DOCK2: variants seen among roughly 807,000 people sequenced by gnomAD.
DOCK2 encodes the protein dedicator of cytokinesis 2.
DOCK2 carries 87 observed loss-of-function variants against 248.9 expected under a neutral mutation model. The observed-to-expected ratio is 0.35, with a 90% CI of 0.29 to 0.42. The LOEUF is 0.42. DOCK2 is among the 10% of genes least tolerant of loss of function. The pLI is 1.00. For synonymous variants in DOCK2, 805 were observed against 821.6 expected (o/e 0.98, Z 0.35); for missense variants, 1,747 against 2,300.2 (o/e 0.76, Z 4.92).
At chr5:169,651,278 T>G (rs897480327) in intron 1 of DOCK2, among the ~76,000 whole-genome samples, 6 of 152,256 alleles carry the variant, frequency 3.9e-5, no homozygotes, top group Admixed American at 2.6e-4. Flanking sequence ...AATAGATTTA[T>G]AAATTAAGTG....
chr5:170,004,580 T>G (rs1316972968), intron 30 of DOCK2, among the ~76,000 whole-genome samples: 3 of 151,484 alleles, frequency 2.0e-5, no homozygotes, highest in Admixed American at 6.6e-5. Context: ...TATACCCAAA[T>G]GACTATAAAT....
intron 1 of DOCK2, among the ~76,000 whole-genome samples, chr5:169,653,913 G>A (rs1330022030): frequency 6.6e-6 from 1 of 152,160 alleles, no homozygotes; most frequent in Non-Finnish European, 1.5e-5. Context: ...TGCCTGAGCT[G>A]GGACTCAACC....
chr5:170,063,395 C>T (rs1162710160), intron 44 of DOCK2, among the ~76,000 whole-genome samples: 3 of 152,154 alleles, frequency 2.0e-5, no homozygotes, highest in Admixed American at 1.3e-4. Context: ...TAAATGGGTG[C>T]ACAAACACTT....
chr5:169,711,625 C>A (rs1355864717), intron 15 of DOCK2, among the ~76,000 whole-genome samples: 1 of 152,164 alleles, frequency 6.6e-6, no homozygotes, highest in South Asian at 2.1e-4. Context: ...TGCATCAAAT[C>A]CTGTGCTAAA....
At chr5:169,997,874 G>A (rs528191564) in intron 30 of DOCK2, 50 of 454,136 alleles carry the variant, frequency 1.1e-4, no homozygotes, top group Middle Eastern at 3.3e-4. Flanking sequence ...CTGGGCTTTC[G>A]CCTCTCAGAA....
At chr5:169,965,603 G>A (rs1447369369) in intron 27 of DOCK2, among the ~76,000 whole-genome samples, 9 of 152,136 alleles carry the variant, frequency 5.9e-5, no homozygotes, top group Admixed American at 3.3e-4. Context: ...TCCCAATGTC[G>A]GGAGAGCTGG....
At chr5:169,919,346 T>G (rs1209479757) in intron 27 of DOCK2, among the ~76,000 whole-genome samples, 1 of 152,180 alleles carries the variant, frequency 6.6e-6, no homozygotes, top group African/African-American at 2.4e-5. Flanking sequence ...TTATGAAGAT[T>G]TACTGCGTTG....
At chr5:169,688,073 T>C (rs1382709750) in intron 8 of DOCK2, among the ~76,000 whole-genome samples, 1 of 152,144 alleles carries the variant, frequency 6.6e-6, no homozygotes, top group African/African-American at 2.4e-5. Context: ...TACAGGCATG[T>C]GCCACCATGC....
intron 27 of DOCK2, among the ~76,000 whole-genome samples, chr5:169,848,706 C>T (rs1291138885): frequency 6.6e-6 from 1 of 152,136 alleles, no homozygotes. Flanking sequence ...TATTTTGGGC[C>T]TAATTACCCC....
chr5:169,886,063 A>T (rs1772951614), intron 27 of DOCK2, among the ~76,000 whole-genome samples: 2 of 152,176 alleles, frequency 1.3e-5, no homozygotes, highest in Admixed American at 6.5e-5. Flanking sequence ...GTTGCTAAGA[A>T]CAAGGGTAAA....
chr5:169,665,693 G>T (rs1435022773), intron 2 of DOCK2, among the ~76,000 whole-genome samples: 4 of 152,030 alleles, frequency 2.6e-5, no homozygotes, highest in East Asian at 3.9e-4. Flanking sequence ...AATAGTGTTT[G>T]TAGCACTCCT....
At chr5:169,689,631 C>T (rs1288116663) in intron 9 of DOCK2, among the ~76,000 whole-genome samples, 1 of 152,110 alleles carries the variant, frequency 6.6e-6, no homozygotes, top group Non-Finnish European at 1.5e-5. Flanking sequence ...GCAATAATGC[C>T]CAGGTGAACT....
At chr5:169,798,459 T>C (rs2113105912) in intron 25 of DOCK2, among the ~76,000 whole-genome samples, 1 of 152,354 alleles carries the variant, frequency 6.6e-6, no homozygotes, top group Middle Eastern at 3.4e-3. Flanking sequence ...CTTTCATATC[T>C]AAAATCTCCT....
Position 170,019,128 on chromosome 5 carries a change from A to T in DOCK2, c.3381+20A>T, listed in dbSNP as rs1388813837. On this transcript the variant is annotated intron_variant, in intron 33 of 51. Transcript: ENST00000520908. ...AAAAAGGTAAAAAATGAGGCCGGAA[A>T]CTCATGCCAGCATGCCTAATCCCCA... 5 of 1,613,688 alleles carry T rather than the reference A, an allele frequency of 3.1e-6. No individual in the cohort carries two copies. The Admixed American group carries it at 8.3e-5, about 27-fold the overall frequency.
intron 27 of DOCK2, among the ~76,000 whole-genome samples, chr5:169,865,441 T>G (rs1224690044): frequency 6.6e-6 from 1 of 152,080 alleles, no homozygotes; most frequent in Non-Finnish European, 1.5e-5. Context: ...GCTTCCTCAC[T>G]CTGGTTCACC....
intron 32 of DOCK2, among the ~76,000 whole-genome samples, chr5:170,010,138 A>T (rs1755228884): frequency 6.6e-6 from 1 of 152,162 alleles, no homozygotes; most frequent in African/African-American, 2.4e-5. Context: ...TCCTTGCCCC[A>T]TCAGGATGGA....
intron 11 of DOCK2, 76 bp downstream of exon 11, chr5:169,698,525 T>A: frequency 6.6e-7 from 1 of 1,509,692 alleles, no homozygotes; most frequent in Non-Finnish European, 9.2e-7. Flanking sequence ...GCTCAGAGGG[T>A]ACCAGTTCCC....
intron 29 of DOCK2, among the ~76,000 whole-genome samples, chr5:169,986,701 C>T (rs531211098): frequency 1.3e-5 from 2 of 152,280 alleles, no homozygotes; most frequent in Admixed American, 6.5e-5. Context: ...CAAATCCTGC[C>T]GATCAGTTCC....
At chr5:169,686,026 C>T (rs543294968) in intron 8 of DOCK2, among the ~76,000 whole-genome samples, 1 of 152,330 alleles carries the variant, frequency 6.6e-6, no homozygotes, top group South Asian at 2.1e-4. Context: ...AGTCCCTAAC[C>T]TCAAAGAGTC....
Sources: allele counts gnomAD v4.1 joint callset (sites outside exome capture counted in the v4.1 genomes callset), GRCh38; gene constraint gnomAD v4.1.1; transcripts MANE v1.5; gene names NCBI Gene and HGNC (gene_info 2026-07-23, HGNC 2026-07-21).